Variants in ALG5 observed in about 807,000 individuals in gnomAD.
The protein encoded by ALG5 is dolichyl-phosphate beta-glucosyltransferase.
Under a neutral mutation model 51.8 loss-of-function variants are expected in ALG5, and 26 were observed. The observed-to-expected ratio is 0.50, with a 90% confidence interval of 0.37 to 0.70. ALG5 has a LOEUF of 0.70. Ranked by LOEUF, ALG5 falls within the 30% of genes least tolerant of loss-of-function variation. ALG5 has a pLI of 0.00. For missense variants in ALG5, 311 were observed against 399.3 expected, an observed-to-expected ratio of 0.78 and a Z score of 1.88; for synonymous variants, 141 against 136.1, an observed-to-expected ratio of 1.04 and a Z score of -0.25.
chr13:36,968,490 T>C lies in ALG5; in HGVS notation c.622-2764A>G, dbSNP rs547895785. On this transcript the variant is annotated intron_variant, in intron 7 of 9. Coordinates refer to ENST00000239891, the MANE Select transcript of ALG5 (RefSeq NM_013338.5). The stretch of plus-strand genomic sequence containing the variant: ...CCTTTTAAAATGATAAATTCAAGAA[T>C]AGCCAGACCATATATAAACATTACC... Among the ~76,000 whole-genome samples the C allele has an allele frequency of 2.0e-5, 3 of 152,290 alleles. No homozygotes were observed. In the East Asian group the frequency reaches 5.8e-4, roughly 29 times the overall value.
chr13:36,958,413 T>C (rs1377749385), intron 8 of ALG5, among the ~76,000 whole-genome samples: 1 of 152,172 alleles, frequency 6.6e-6, no homozygotes, highest in African/African-American at 2.4e-5. Flanking sequence ...CTTCCAGAAT[T>C]GAAGCTGTAA....
At chr13:36,973,825 GA>G (rs1213416692) in intron 6 of ALG5, among the ~76,000 whole-genome samples, 2 of 152,132 alleles carry the variant, frequency 1.3e-5, no homozygotes, top group Non-Finnish European at 2.9e-5. Context: ...TTGAACAACT[GA>G]AAAGATCCTC....
chr13:36,977,823 G>A (rs1220093318), intron 6 of ALG5, among the ~76,000 whole-genome samples: 1 of 140,062 alleles, frequency 7.1e-6, no homozygotes, highest in African/African-American at 2.9e-5. Context: ...AACAAAAACG[G>A]TGGTAAGAAG....
rs2059052378 is a variant in ALG5 at position 36,996,691 on chromosome 13, T to G, written c.67-1095A>C. ...CAGGAAGGATCTCATTTCAAAAATTTGCCTTTTGCGTTTTATATGTATGAA... is the reference window on the plus strand; with the variant it reads ...CAGGAAGGATCTCATTTCAAAAATTGGCCTTTTGCGTTTTATATGTATGAA... On this transcript the variant is annotated intron_variant, in intron 1 of 9. Coordinates refer to ENST00000239891, the MANE Select transcript of ALG5 (RefSeq NM_013338.5). 2.0e-5 allele frequency among the ~76,000 whole-genome samples: 3 copies of G among 152,228 alleles called. No homozygotes were observed. The South Asian group carries it at 6.2e-4, about 31-fold the overall frequency.
chr13:36,977,347 T>C (rs2058956615), intron 6 of ALG5, among the ~76,000 whole-genome samples: 1 of 152,172 alleles, frequency 6.6e-6, no homozygotes, highest in South Asian at 2.1e-4. Context: ...TAAGTTACTA[T>C]GACAGTTGGC....
rs767279747 is a variant in ALG5 at position 36,995,562 on chromosome 13, A to G, written c.101T>C (p.Met34Thr). The change falls in exon 2 of 10, where the codon ATG becomes ACG. Residue 34 changes from methionine to threonine, a missense_variant. Physicochemically the swap from Met to Thr is moderately conservative, Grantham distance 81. Coordinates refer to ENST00000239891, the MANE Select transcript of ALG5 (RefSeq NM_013338.5). ...SIVAFTTATKMPALHRHEEEK... is the reference protein window; with the variant it reads ...SIVAFTTATKTPALHRHEEEK... ...TTCTTCATGTCGATGGAGTGCTGGC[A>G]TTTTTGTAGCAGTTGTAAATGCAAC... 1.2e-6 allele frequency: 2 copies of G among 1,605,208 alleles called. No homozygotes were observed. Among genetic ancestry groups the G allele is most frequent in the Non-Finnish European group, 8.5e-7 (1 of 1,178,138 alleles).
chr13:36,961,366 G>A (rs1195439046), intron 8 of ALG5, among the ~76,000 whole-genome samples: 1 of 152,148 alleles, frequency 6.6e-6, no homozygotes, highest in East Asian at 1.9e-4. Flanking sequence ...AGTGAGCCAT[G>A]TTCACTCCAG....
rs997666816 is a variant in ALG5, at chr13:36,977,558, G to A, written c.562-5522C>T. Among the ~76,000 whole-genome samples, 8 of 151,944 alleles carry A rather than the reference G, an allele frequency of 5.3e-5. No individual in the cohort carries two copies. In the East Asian group the frequency reaches 9.7e-4, roughly 18 times the overall value. ...TATACTCCCAGCACTTTGGGAGGCT[G>A]AGGCAGGGGAATCGCTTGAGGCCAT... On this transcript the variant is annotated intron_variant, in intron 6 of 9. Coordinates refer to ENST00000239891, the MANE Select transcript of ALG5 (RefSeq NM_013338.5).
chr13:36,997,915 C>CA (rs2059059013), intron 1 of ALG5, among the ~76,000 whole-genome samples: 1 of 151,982 alleles, frequency 6.6e-6, no homozygotes, highest in African/African-American at 2.4e-5. Context: ...ACTAGTTGTG[C>CA]AACATTTGAG....
intron 7 of ALG5, among the ~76,000 whole-genome samples, chr13:36,968,934 T>G (rs911686257): frequency 6.6e-6 from 1 of 152,236 alleles, no homozygotes; most frequent in African/African-American, 2.4e-5. Flanking sequence ...TCATAGCATC[T>G]GCAGCGGACA....
At chr13:36,980,031 A>G (rs1251950786) in intron 6 of ALG5, among the ~76,000 whole-genome samples, 2 of 152,160 alleles carry the variant, frequency 1.3e-5, no homozygotes, top group Admixed American at 1.3e-4. Context: ...TGGGTGACAG[A>G]ATGAGACCTT....
chr13:36,993,890 C>T (rs2059036868), intron 3 of ALG5, among the ~76,000 whole-genome samples: 1 of 152,178 alleles, frequency 6.6e-6, no homozygotes, highest in Admixed American at 6.5e-5. Flanking sequence ...CTCAATCTCT[C>T]CATGTCACCT....
At chr13:36,993,388 G>C (rs765785100) in intron 4 of ALG5, among the ~76,000 whole-genome samples, 1 of 152,212 alleles carries the variant, frequency 6.6e-6, no homozygotes, top group Non-Finnish European at 1.5e-5. Flanking sequence ...CTGTGCGCGG[G>C]CATGTTTCTT....
intron 6 of ALG5, 99 bp from the exon 7 acceptor site, chr13:36,972,135 AAAAAG>A: frequency 9.8e-7 from 1 of 1,016,044 alleles, no homozygotes. Context: ...ACTGATTTTA[AAAAAG>A]TTGACATTAA....
intron 8 of ALG5, among the ~76,000 whole-genome samples, chr13:36,953,234 T>C (rs544712344): frequency 1.3e-5 from 2 of 152,326 alleles, no homozygotes; most frequent in African/African-American, 4.8e-5. Context: ...GAATCTGATA[T>C]ATTGTCTTAC....
chr13:36,950,759 A>G (rs972446471), intron 9 of ALG5, among the ~76,000 whole-genome samples: 7 of 151,648 alleles, frequency 4.6e-5, no homozygotes, highest in Non-Finnish European at 1.0e-4. Context: ...TAATTTTACA[A>G]TTTTTTTATA....
At chr13:36,995,100 CT>C in intron 2 of ALG5, 65 bp from the exon 3 acceptor site, 2 of 1,393,600 alleles carry the variant, frequency 1.4e-6, no homozygotes, top group Non-Finnish European at 2.0e-6. Flanking sequence ...GCACATTCAG[CT>C]TACATACAGA....
At chr13:36,974,738 C>G (rs987387912) in intron 6 of ALG5, among the ~76,000 whole-genome samples, 1 of 151,846 alleles carries the variant, frequency 6.6e-6, no homozygotes, top group African/African-American at 2.4e-5. Flanking sequence ...CCCACCCAAC[C>G]TGGGATTATT....
chr13:36,981,552 A>C (rs2058979296), intron 6 of ALG5, among the ~76,000 whole-genome samples: 1 of 152,236 alleles, frequency 6.6e-6, no homozygotes, highest in East Asian at 1.9e-4. Flanking sequence ...TTAGACACAG[A>C]AATCTAACAA....
Sources: allele counts gnomAD v4.1 joint callset (sites outside exome capture counted in the v4.1 genomes callset), GRCh38; gene constraint gnomAD v4.1.1; transcripts MANE v1.5; gene names NCBI Gene and HGNC (gene_info 2026-07-23, HGNC 2026-07-21).